SOX5: variants seen among roughly 807,000 people sequenced by gnomAD.
SOX5 encodes the protein transcription factor SOX-5.
Under a neutral mutation model 92.0 loss-of-function variants are expected in SOX5, and 9 were observed. The observed-to-expected ratio is 0.10, with a 90% CI of 0.06 to 0.17. The LOEUF (loss-of-function observed/expected upper bound fraction) is 0.17, where lower values mean the gene tolerates loss of function less well. Among genes scored for constraint, SOX5 ranks in the 10% least tolerant of loss-of-function variants. The pLI is 1.00. For synonymous variants in SOX5, 344 were observed against 336.3 expected (o/e 1.02, Z -0.25); for missense variants, 642 against 944.5 (o/e 0.68, Z 4.20).
intron 3 of SOX5, among the ~76,000 whole-genome samples, chr12:23,843,857 C>A (rs2096546240): frequency 6.6e-6 from 1 of 152,088 alleles, no homozygotes; most frequent in South Asian, 2.1e-4. Flanking sequence ...AGCCACCGTG[C>A]CCAGCCTTGG....
intron 1 of SOX5, among the ~76,000 whole-genome samples, chr12:24,541,471 A>C (rs1164214774): frequency 6.6e-6 from 1 of 152,218 alleles, no homozygotes; most frequent in Non-Finnish European, 1.5e-5. Context: ...AATGGGACTC[A>C]ATACTATTTA....
chr12:23,847,015 T>C (rs1595003735), intron 2 of SOX5, among the ~76,000 whole-genome samples: 2 of 152,186 alleles, frequency 1.3e-5, no homozygotes, highest in East Asian at 3.8e-4. Context: ...TATTGTCATT[T>C]TCTCACATAT....
chr12:23,884,531 G>C (rs1451884261), intron 2 of SOX5, among the ~76,000 whole-genome samples: 1 of 151,904 alleles, frequency 6.6e-6, no homozygotes, highest in Non-Finnish European at 1.5e-5. Flanking sequence ...CCGAAGTTAG[G>C]GTAAAATAAA....
chr12:24,511,271 G>A (rs1427698416), intron 1 of SOX5, among the ~76,000 whole-genome samples: 7 of 152,060 alleles, frequency 4.6e-5, no homozygotes, highest in Admixed American at 1.3e-4. Context: ...AAATGCATAT[G>A]GTTTTTAATT....
intron 4 of SOX5, among the ~76,000 whole-genome samples, chr12:24,089,612 A>C (rs892493319): frequency 3.3e-5 from 5 of 152,154 alleles, no homozygotes; most frequent in Non-Finnish European, 5.9e-5. Context: ...AAATGTGGGA[A>C]ATTGAGGCAC....
At chr12:24,331,848 CAAAAAAAAAAAAAAAAAAA>C (rs10627494) in intron 2 of SOX5, among the ~76,000 whole-genome samples, 1 of 31,660 alleles carries the variant, frequency 3.2e-5, no homozygotes, top group Non-Finnish European at 5.2e-5. Context: ...AAGACTGTCT[CAAAAAAAAAAAAAAAAAAA>C]AAAAAAAAGG....
intron 1 of SOX5, among the ~76,000 whole-genome samples, chr12:23,948,818 T>A (rs1324216346): frequency 1.3e-5 from 2 of 152,174 alleles, no homozygotes; most frequent in Non-Finnish European, 2.9e-5. Flanking sequence ...GCTGCAGATA[T>A]TTCTCTAAAT....
chr12:23,543,327 T>C lies in SOX5; in HGVS notation c.1655A>G (p.Asn552Ser), dbSNP rs773852410. ...IYRESRGRGS[N>S]EPHIKRPMNA... Reference sequence around the variant, plus strand: ...CATTGGACGCTTTATGTGGGGTTCATTGCTACCACGCCCTCGGGATTCCCT... The same window carrying C: ...CATTGGACGCTTTATGTGGGGTTCACTGCTACCACGCCCTCGGGATTCCCT... Residue 552 changes from asparagine (N) to serine (S), a missense_variant, in exon 13 of 15, where the codon AAT (asparagine) becomes AGT (serine). By Grantham distance (46) the Asn-to-Ser change is conservative. This residue lies in a region of SOX5 where 24 missense variants were observed against 84.4 expected (regional missense o/e 0.28). Coordinates refer to ENST00000451604, the MANE Select transcript of SOX5 (RefSeq NM_006940.6). 1.2e-6 allele frequency: 2 copies of C among 1,613,976 alleles called. No individual in the cohort carries two copies. The highest frequency in any genetic ancestry group is 1.7e-6 in the Non-Finnish European group (2 of 1,179,848).
chr12:23,861,947 G>A (rs948841701), intron 2 of SOX5, among the ~76,000 whole-genome samples: 2 of 152,058 alleles, frequency 1.3e-5, no homozygotes, highest in African/African-American at 4.8e-5. Flanking sequence ...AGAATATTTG[G>A]TTACAAGAGT....
Position 24,371,309 on chromosome 12 carries a change from C to G in SOX5, c.-250-2670G>C, listed in dbSNP as rs571660524. On this transcript the variant is annotated intron_variant, in intron 1 of 4. Coordinates refer to the SOX5 transcript ENST00000446891. ...AAAAATACAAAGAGCTGAATTCTGC[C>G]AAAAACAAGTATAAGTTCGGAGACA... is the stretch of plus-strand genomic sequence containing the variant. 2.2e-4 allele frequency among the ~76,000 whole-genome samples: 34 copies of G among 152,236 alleles called. No individual in the cohort carries two copies. In the South Asian group the frequency reaches 3.9e-3, roughly 18 times the overall value.
At chr12:24,041,264 T>A (rs1258267566) in intron 4 of SOX5, among the ~76,000 whole-genome samples, 1 of 152,160 alleles carries the variant, frequency 6.6e-6, no homozygotes, top group Non-Finnish European at 1.5e-5. Flanking sequence ...TACTTCTTAA[T>A]TGAGTGATAC....
At chr12:24,540,388 G>C (rs1952017228) in intron 1 of SOX5, among the ~76,000 whole-genome samples, 1 of 151,980 alleles carries the variant, frequency 6.6e-6, no homozygotes, top group Non-Finnish European at 1.5e-5. Flanking sequence ...GGTCACCTTA[G>C]AACACTACTC....
At chr12:23,552,204 T>C (rs1431205602) in intron 11 of SOX5, among the ~76,000 whole-genome samples, 11 of 151,898 alleles carry the variant, frequency 7.2e-5, no homozygotes, top group African/African-American at 2.4e-4. Context: ...TGAGGAAATA[T>C]GACTTTAGCA....
At chr12:24,205,812 T>C (rs1394656247) in intron 4 of SOX5, among the ~76,000 whole-genome samples, 3 of 152,240 alleles carry the variant, frequency 2.0e-5, no homozygotes, top group African/African-American at 7.2e-5. Context: ...ACATTTATTA[T>C]ACCCTTGTGA....
intron 3 of SOX5, among the ~76,000 whole-genome samples, chr12:24,268,524 A>T (rs1199426969): frequency 6.6e-6 from 1 of 152,222 alleles, no homozygotes; most frequent in Non-Finnish European, 1.5e-5. Flanking sequence ...GAAATAGACT[A>T]AAACAAAAAT....
At chr12:24,276,716 G>T (rs892807254) in intron 3 of SOX5, among the ~76,000 whole-genome samples, 21 of 152,106 alleles carry the variant, frequency 1.4e-4, no homozygotes, top group African/African-American at 4.6e-4. Context: ...GAATGTTTCT[G>T]TCAGTAAATT....
At chr12:24,498,360 G>A (rs1947854881) in intron 1 of SOX5, among the ~76,000 whole-genome samples, 1 of 152,130 alleles carries the variant, frequency 6.6e-6, no homozygotes, top group African/African-American at 2.4e-5. Context: ...TTCCAATCCA[G>A]ATAATCTAGG....
chr12:23,660,775 G>T lies in SOX5; in HGVS notation c.931+4669C>A, dbSNP rs569279358. On this transcript the variant is annotated intron_variant, in intron 7 of 14. Transcript: ENST00000451604. ...AGTTTCCAAACTTTCTTTGATTAAG[G>T]CACCATTGATGGTTCAATAATTGTT... 3.3e-5 allele frequency among the ~76,000 whole-genome samples: 5 copies of T among 151,768 alleles called. No homozygotes were observed. In the East Asian group the frequency reaches 9.7e-4, roughly 29 times the overall value.
At chr12:23,865,360 T>C (rs1045578851) in intron 2 of SOX5, among the ~76,000 whole-genome samples, 2 of 152,204 alleles carry the variant, frequency 1.3e-5, no homozygotes, top group Non-Finnish European at 2.9e-5. Flanking sequence ...TCATTTTGAC[T>C]TTCAAGTCTT....
Sources: allele counts gnomAD v4.1 joint callset (sites outside exome capture counted in the v4.1 genomes callset), GRCh38; gene constraint gnomAD v4.1.1; regional missense constraint gnomAD v4.1.1; transcripts MANE v1.5; gene names NCBI Gene and HGNC (gene_info 2026-07-23, HGNC 2026-07-21).